ARHGAP12: variants seen among roughly 807,000 people sequenced by gnomAD.
The protein encoded by ARHGAP12 is Rho GTPase activating protein 12, also known as rho GTPase-activating protein 12.
ARHGAP12 carries 64 observed loss-of-function variants against 108.6 expected under a neutral mutation model. That is an observed-to-expected ratio of 0.59 (90% CI 0.48 to 0.73). The LOEUF (loss-of-function observed/expected upper bound fraction) is 0.73. Among genes scored for constraint, ARHGAP12 ranks in the 30% least tolerant of loss-of-function variants. The pLI is 0.00. For missense variants in ARHGAP12, 940 were observed against 1,005.9 expected, an observed-to-expected ratio of 0.93 and a Z score of 0.89; for synonymous variants, 312 against 337.2, an observed-to-expected ratio of 0.93 and a Z score of 0.82.
intron 1 of ARHGAP12, among the ~76,000 whole-genome samples, chr10:31,922,894 G>A (rs937650151): frequency 7.2e-5 from 11 of 152,012 alleles, no homozygotes; most frequent in South Asian, 2.1e-4. Context: ...TTAGGAAGTC[G>A]AGACAAGAGG....
At position 31,903,985 on chromosome 10, in the gene ARHGAP12, C is replaced by T. The variant is rs146192189; in HGVS notation, c.684+4187G>A. 9.1e-3 allele frequency among the ~76,000 whole-genome samples: 1,392 copies of T among 152,280 alleles called. 12 individuals carry two copies. The highest frequency in any genetic ancestry group is 0.032 in the African/African-American group (1,325 of 41,544). On this transcript the variant is annotated intron_variant, in intron 3 of 19. Coordinates refer to ENST00000344936, the MANE Select transcript of ARHGAP12 (RefSeq NM_018287.7). ...AAATGCTGGTGAGCACGCGGAGGAACTGGATTACTCATACGTTGCTGGTGG... is the reference window on the plus strand; with the variant it reads ...AAATGCTGGTGAGCACGCGGAGGAATTGGATTACTCATACGTTGCTGGTGG...
At chr10:31,887,958 G>A (rs1438119615) in intron 3 of ARHGAP12, among the ~76,000 whole-genome samples, 1 of 151,950 alleles carries the variant, frequency 6.6e-6, no homozygotes, top group Non-Finnish European at 1.5e-5. Context: ...CGCCCGGCCT[G>A]CCCTTCCTAT....
chr10:31,837,264 T>C (rs910292634), intron 9 of ARHGAP12, among the ~76,000 whole-genome samples: 2 of 152,224 alleles, frequency 1.3e-5, no homozygotes, highest in Admixed American at 6.5e-5. Flanking sequence ...AAGAGTACTG[T>C]AGTAACAGTG....
intron 3 of ARHGAP12, among the ~76,000 whole-genome samples, chr10:31,887,851 G>C (rs1269379915): frequency 6.6e-6 from 1 of 151,814 alleles, no homozygotes; most frequent in Non-Finnish European, 1.5e-5. Context: ...TAGCGACGGG[G>C]TTTCACCATG....
At position 31,891,417 on chromosome 10, in the gene ARHGAP12, C is replaced by A. The variant is rs1393364417; in HGVS notation, c.684+16755G>T. 2.0e-5 allele frequency among the ~76,000 whole-genome samples: 3 copies of A among 152,248 alleles called. 1 individual carries two copies. Among genetic ancestry groups the A allele is most frequent in the Admixed American group, 1.3e-4 (2 of 15,278 alleles). On this transcript the variant is annotated intron_variant, in intron 3 of 19. Transcript: ENST00000344936. Reference sequence around the variant, plus strand: ...AATGTTGAATATTGGCTCCCACTCTCTTCTGGCTTGCAGAGTTTCTGCTAA... The same window carrying A: ...AATGTTGAATATTGGCTCCCACTCTATTCTGGCTTGCAGAGTTTCTGCTAA...
chr10:31,877,917 C>A (rs1188477583), intron 3 of ARHGAP12, among the ~76,000 whole-genome samples: 1 of 152,118 alleles, frequency 6.6e-6, no homozygotes, highest in Non-Finnish European at 1.5e-5. Flanking sequence ...CGTGGAGAAA[C>A]CCTGTCTCTA....
intron 3 of ARHGAP12, among the ~76,000 whole-genome samples, chr10:31,901,121 C>A (rs1258557753): frequency 6.7e-6 from 1 of 149,934 alleles, no homozygotes; most frequent in Non-Finnish European, 1.5e-5. Context: ...GAGGCTAAGG[C>A]GGGATAATCG....
At chr10:31,834,329 A>C (rs1835935531) in intron 9 of ARHGAP12, among the ~76,000 whole-genome samples, 1 of 152,210 alleles carries the variant, frequency 6.6e-6, no homozygotes, top group Non-Finnish European at 1.5e-5. Flanking sequence ...GGAGATGATC[A>C]GGTCATGAAG....
chr10:31,902,004 G>GTT (rs1838947333), intron 3 of ARHGAP12, among the ~76,000 whole-genome samples: 1 of 152,124 alleles, frequency 6.6e-6, no homozygotes, highest in African/African-American at 2.4e-5. Flanking sequence ...CCCAAATAAG[G>GTT]TAACATTCAC....
chr10:31,810,855 T>C lies in ARHGAP12; in HGVS notation c.1952-108A>G, dbSNP rs530567564. ...AAACATCCAGCGTAACCAAATATTG[T>C]TTAACATGGCCCTATGCCTTATGCA... On this transcript the variant is annotated intron_variant, in intron 15 of 19. Coordinates refer to ENST00000344936, the MANE Select transcript of ARHGAP12 (RefSeq NM_018287.7). 34 of 802,060 alleles carry C rather than the reference T, an allele frequency of 4.2e-5. No individual in the cohort carries two copies. In the East Asian group the frequency reaches 8.4e-4, roughly 20 times the overall value. The allele number at this position is 802,060 out of a possible 1,614,324, so 49.7% of individuals were successfully genotyped here. A position where few individuals can be genotyped will look rare whatever the true frequency, so the allele number is the denominator to read the frequency against.
chr10:31,902,629 C>T (rs570395183), intron 3 of ARHGAP12, among the ~76,000 whole-genome samples: 1 of 151,854 alleles, frequency 6.6e-6, no homozygotes, highest in African/African-American at 2.4e-5. Flanking sequence ...TACAATCGTG[C>T]CACTGCACTC....
chr10:31,847,885 A>G (rs1421141183), intron 6 of ARHGAP12, among the ~76,000 whole-genome samples: 1 of 152,134 alleles, frequency 6.6e-6, no homozygotes, highest in African/African-American at 2.4e-5. Context: ...GTTCACCTGG[A>G]ACAGAGTAGG....
intron 4 of ARHGAP12, among the ~76,000 whole-genome samples, chr10:31,859,102 T>C (rs902424345): frequency 1.3e-5 from 2 of 151,682 alleles, no homozygotes; most frequent in African/African-American, 4.8e-5. Flanking sequence ...ATATGGAGAG[T>C]TATTCCCTCT....
intron 4 of ARHGAP12, among the ~76,000 whole-genome samples, chr10:31,857,679 G>C (rs1836938769): frequency 6.6e-6 from 1 of 152,190 alleles, no homozygotes; most frequent in Non-Finnish European, 1.5e-5. Flanking sequence ...AACAAAAAGA[G>C]ACAAACTACA....
chr10:31,812,627 ATGTT>A (rs1421439939), intron 15 of ARHGAP12, 76 bp downstream of exon 15: 2 of 874,916 alleles, frequency 2.3e-6, no homozygotes, highest in African/African-American at 1.7e-5. Flanking sequence ...CTGTTTGAAA[ATGTT>A]TGTTTTTAAT....
chr10:31,810,815 T>C (rs1834988670), intron 15 of ARHGAP12, 68 bp from the exon 16 acceptor site: 1 of 1,201,294 alleles, frequency 8.3e-7, no homozygotes, highest in Non-Finnish European at 1.2e-6. Context: ...TGGCTAACCA[T>C]TCAGAGTGCA....
At chr10:31,890,580 T>C (rs927095086) in intron 3 of ARHGAP12, among the ~76,000 whole-genome samples, 27 of 152,164 alleles carry the variant, frequency 1.8e-4, no homozygotes, top group African/African-American at 6.0e-4. Context: ...TTTCAGAAAA[T>C]TTTAAGAAAG....
At chr10:31,814,032 T>C (rs942983560) in intron 14 of ARHGAP12, among the ~76,000 whole-genome samples, 1 of 152,156 alleles carries the variant, frequency 6.6e-6, no homozygotes, top group African/African-American at 2.4e-5. Flanking sequence ...GCACAATACC[T>C]TAAAATTAAT....
intron 3 of ARHGAP12, among the ~76,000 whole-genome samples, chr10:31,874,964 ACT>A (rs1199748793): frequency 5.4e-5 from 6 of 110,220 alleles, no homozygotes; most frequent in Non-Finnish European, 6.9e-5. Context: ...ACAACGCAAG[ACT>A]CTGTCTCAAA....
Sources: gnomAD v4.1 joint callset for allele counts (sites outside exome capture counted in the v4.1 genomes callset) on GRCh38, gnomAD v4.1.1 for gene constraint, MANE v1.5 for transcripts, NCBI Gene and HGNC (gene_info 2026-07-23, HGNC 2026-07-21) for gene names.